Variants in CCDC172 observed in about 807,000 individuals in gnomAD.
CCDC172 encodes the protein coiled-coil domain-containing protein 172.
A neutral mutation model predicts 38.0 loss-of-function variants in CCDC172; 30 were observed. The ratio of observed to expected loss-of-function variants is 0.79; its 90% CI spans 0.59 to 1.07. The LOEUF is 1.07. CCDC172 is among the 50% of genes least tolerant of loss of function. The pLI is 0.00. For synonymous variants in CCDC172, 78 were observed against 88.3 expected, an observed-to-expected ratio of 0.88 and a Z score of 0.66; for missense variants, 297 against 290.1, an observed-to-expected ratio of 1.02 and a Z score of -0.17.
chr10:116,364,752 T>C (rs1444997961), intron 7 of CCDC172, among the ~76,000 whole-genome samples: 2 of 152,074 alleles, frequency 1.3e-5, no homozygotes, highest in African/African-American at 4.8e-5. Context: ...AACTAGAGAC[T>C]GCAATGAAAT....
chr10:116,335,918 G>A (rs75146281), intron 3 of CCDC172, among the ~76,000 whole-genome samples: 4,810 of 152,060 alleles, frequency 0.032, 256 homozygotes, highest in African/African-American at 0.11. Flanking sequence ...TGTATTCCCA[G>A]CACTTTGAGA....
chr10:116,378,377 T>C (rs1393853585), intron 7 of CCDC172, 46 bp from the exon 8 acceptor site: 2 of 1,525,854 alleles, frequency 1.3e-6, no homozygotes, highest in African/African-American at 2.8e-5. Flanking sequence ...GTAATACAAT[T>C]ACAGTTTATT....
At chr10:116,330,434 C>T (rs1844646337) in intron 3 of CCDC172, among the ~76,000 whole-genome samples, 1 of 152,092 alleles carries the variant, frequency 6.6e-6, no homozygotes, top group South Asian at 2.1e-4. Flanking sequence ...GTAAGTAATG[C>T]ATAAAGTTAC....
intron 3 of CCDC172, among the ~76,000 whole-genome samples, chr10:116,333,367 T>A (rs1310808216): frequency 2.0e-5 from 3 of 152,176 alleles, no homozygotes; most frequent in African/African-American, 7.2e-5. Flanking sequence ...CCAGCCCAAT[T>A]TCTAGTGTTC....
intron 5 of CCDC172, among the ~76,000 whole-genome samples, chr10:116,352,618 A>G (rs1229186869): frequency 6.6e-6 from 1 of 152,120 alleles, no homozygotes; most frequent in African/African-American, 2.4e-5. Flanking sequence ...ACTTTCCTCA[A>G]TCTGATAGAG....
intron 7 of CCDC172, among the ~76,000 whole-genome samples, chr10:116,361,023 C>T (rs915085089): frequency 6.7e-6 from 1 of 148,918 alleles, no homozygotes; most frequent in Non-Finnish European, 1.5e-5. Context: ...CCTCTGTAAA[C>T]CCCCAAACCT....
chr10:116,375,242 A>G (rs1254794959), intron 7 of CCDC172, among the ~76,000 whole-genome samples: 1 of 152,032 alleles, frequency 6.6e-6, no homozygotes, highest in South Asian at 2.1e-4. Context: ...TTCTCAATCT[A>G]TGAGAGGGCT....
At chr10:116,333,105 T>A (rs1489688062) in intron 3 of CCDC172, among the ~76,000 whole-genome samples, 1 of 152,172 alleles carries the variant, frequency 6.6e-6, no homozygotes, top group Non-Finnish European at 1.5e-5. Flanking sequence ...GAACAGTAAG[T>A]AATTGATTAC....
chr10:116,342,898 T>G (rs1414001101), intron 5 of CCDC172, among the ~76,000 whole-genome samples: 3 of 152,164 alleles, frequency 2.0e-5, no homozygotes, highest in African/African-American at 7.2e-5. Context: ...TTAAGTTTTC[T>G]GAGGCCTCCC....
chr10:116,325,321 G>A lies in CCDC172; in HGVS notation c.98G>A (p.Arg33Lys). ...LMREVRSEIT[R>K]CREKIKKATE... Reference sequence around the variant, plus strand: ...ATTACAGTAAGGTCGGAAATAACCAGATGTCGTGAAAAAATTAAGAAAGCA... The same window carrying A: ...ATTACAGTAAGGTCGGAAATAACCAAATGTCGTGAAAAAATTAAGAAAGCA... The change falls in exon 3 of 9, where the codon AGA (arginine) becomes AAA (lysine). Residue 33 changes from arginine (R) to lysine (K), a missense_variant. Transcript: ENST00000333254. The A allele has an allele frequency of 6.2e-7, 1 of 1,613,516 alleles. No individual in the cohort carries two copies. Among genetic ancestry groups the A allele is most frequent in the Non-Finnish European group, 8.5e-7 (1 of 1,179,606 alleles).
intron 5 of CCDC172, among the ~76,000 whole-genome samples, chr10:116,347,305 A>G (rs1297835587): frequency 6.6e-6 from 1 of 152,186 alleles, no homozygotes; most frequent in East Asian, 1.9e-4. Context: ...ATTTGAAGGC[A>G]TGATCAACCC....
chr10:116,373,723 T>C (rs1845213378), intron 7 of CCDC172, among the ~76,000 whole-genome samples: 1 of 152,186 alleles, frequency 6.6e-6, no homozygotes, highest in Non-Finnish European at 1.5e-5. Flanking sequence ...CAGGTCGGTC[T>C]TGAACTCCTG....
chr10:116,355,756 T>G (rs7897001), intron 5 of CCDC172, among the ~76,000 whole-genome samples: 16,615 of 152,112 alleles, frequency 0.11, 1,338 homozygotes, highest in African/African-American at 0.22. Context: ...TTGTGAAATA[T>G]CCAGAATAGG....
At chr10:116,363,285 C>T (rs918268709) in intron 7 of CCDC172, among the ~76,000 whole-genome samples, 1 of 152,130 alleles carries the variant, frequency 6.6e-6, no homozygotes, top group African/African-American at 2.4e-5. Context: ...CCTTTCTCAG[C>T]AGATTCCTCT....
intron 8 of CCDC172, among the ~76,000 whole-genome samples, chr10:116,378,898 T>A (rs1279572459): frequency 1.3e-5 from 2 of 152,180 alleles, no homozygotes; most frequent in Non-Finnish European, 2.9e-5. Flanking sequence ...ACTTTTATTA[T>A]ATTTGATCCT....
chr10:116,369,794 C>A (rs565111899), intron 7 of CCDC172, among the ~76,000 whole-genome samples: 1 of 151,978 alleles, frequency 6.6e-6, no homozygotes, highest in Non-Finnish European at 1.5e-5. Context: ...TCTTCTCCAT[C>A]GAGGTCATAC....
Position 116,379,472 on chromosome 10 carries a change from G to A in CCDC172, c.*114G>A, listed in dbSNP as rs1845286483. ...CAACGGATCCTTGTGGGAAATATGGGGTTTAAAATATTCAAATTGTTATTA... is the reference window on the plus strand; with the variant it reads ...CAACGGATCCTTGTGGGAAATATGGAGTTTAAAATATTCAAATTGTTATTA... On this transcript the variant is annotated 3_prime_UTR_variant, in exon 9 of 9. Coordinates refer to ENST00000333254, the MANE Select transcript of CCDC172 (RefSeq NM_198515.3). 1.8e-6 allele frequency: 1 copy of A among 546,980 alleles called. No individual in the cohort carries two copies. Among genetic ancestry groups the A allele is most frequent in the East Asian group, 3.3e-5 (1 of 30,460 alleles). The allele number at this position is 546,980 out of a possible 1,614,324, so 33.9% of individuals were successfully genotyped here.
At chr10:116,379,290 T>A in intron 8 of CCDC172, 33 bp from the exon 9 acceptor site, 2 of 1,405,320 alleles carry the variant, frequency 1.4e-6, no homozygotes, top group Non-Finnish European at 1.9e-6. Context: ...AATTTACTTT[T>A]CCTCATGAGT....
intron 7 of CCDC172, among the ~76,000 whole-genome samples, chr10:116,377,322 T>G (rs554969645): frequency 1.3e-5 from 2 of 152,282 alleles, no homozygotes; most frequent in Middle Eastern, 3.4e-3. Context: ...TCCTATTTTT[T>G]GGGAAACTGG....
Sources: gnomAD v4.1 joint callset for allele counts (sites outside exome capture counted in the v4.1 genomes callset) on GRCh38, gnomAD v4.1.1 for gene constraint, MANE v1.5 for transcripts, NCBI Gene and HGNC (gene_info 2026-07-23, HGNC 2026-07-21) for gene names.